The following DMXL2 variants were observed in gnomAD, a reference collection of about 807,000 sequenced individuals.
DMXL2 encodes the protein Dmx like 2.
A neutral mutation model predicts 331.1 loss-of-function variants in DMXL2; 103 were observed. The observed-to-expected ratio is 0.31, with a 90% CI of 0.27 to 0.37. The LOEUF (loss-of-function observed/expected upper bound fraction) is 0.37, where lower values mean the gene tolerates loss of function less well. Among genes scored for constraint, DMXL2 ranks in the 10% least tolerant of loss-of-function variants. The probability of loss-of-function intolerance (pLI) is 1.00; values close to 1 mark genes in which losing one functional copy is unlikely to be tolerated. For synonymous variants in DMXL2, 1,281 were observed against 1,252.1 expected (o/e 1.02, Z -0.49); for missense variants, 3,171 against 3,642.9 (o/e 0.87, Z 3.33).
Position 51,449,102 on chromosome 15 carries a change from A to C in DMXL2, c.9059T>G (p.Met3020Arg). 6.2e-7 allele frequency: 1 copy of C among 1,614,244 alleles called. No homozygotes were observed. The highest frequency in any genetic ancestry group is 8.5e-7 in the Non-Finnish European group (1 of 1,180,034). Residue 3020 changes from methionine (M) to arginine (R), a missense_variant, in exon 44 of 44, where the codon ATG becomes AGG. By Grantham distance (91) the Met-to-Arg change is moderately conservative. This residue lies in a region of DMXL2 where 766 missense variants were observed against 940.5 expected (regional missense o/e 0.81). Coordinates refer to ENST00000560891, the MANE Select transcript of DMXL2 (RefSeq NM_001378457.1). ...SIFRNIGAGVMQIDIIQGNRL... is the reference protein window; with the variant it reads ...SIFRNIGAGVRQIDIIQGNRL... ...ATTGCCCTGGATGATGTCAATCTGC[A>C]TGACTCCAGCCCCAATGTTTCGAAA...
rs1359570992 is a variant in DMXL2, at chr15:51,600,026, CTCTTCT to C, written c.87+22427_87+22432del. Among the ~76,000 whole-genome samples the C allele has an allele frequency of 3.9e-5, 6 of 152,324 alleles. No homozygotes were observed. In the East Asian group the frequency reaches 1.2e-3, roughly 29 times the overall value. ...CTTCCCACTTTCTACACTTGTAACT[CTCTTCT>C]TCAATAATGAGAAACCTGGCTCACA... On this transcript the variant is annotated intron_variant, in intron 1 of 43. Coordinates refer to ENST00000560891, the MANE Select transcript of DMXL2 (RefSeq NM_001378457.1).
chr15:51,482,230 A>C (rs780033619), intron 23 of DMXL2, among the ~76,000 whole-genome samples: 1 of 152,176 alleles, frequency 6.6e-6, no homozygotes, highest in Non-Finnish European at 1.5e-5. Flanking sequence ...AAGTAATTTG[A>C]CTGTACATCC....
In DMXL2 at chr15:51,600,565, T is replaced by TTTCTC. The variant is rs2053157317; in HGVS notation, c.87+21889_87+21893dup. Among the ~76,000 whole-genome samples, 5 of 152,346 alleles carry TTTCTC rather than the reference T, an allele frequency of 3.3e-5. No homozygotes were observed. In the South Asian group the frequency reaches 1.0e-3, roughly 32 times the overall value. On this transcript the variant is annotated intron_variant, in intron 1 of 43. Transcript: ENST00000560891. ...CTGTTGACCTTGCAAGGTGTGCTACTTTCTCTTCTCTCTAAAATCTGAAAT... is the reference window on the plus strand; with the variant it reads ...CTGTTGACCTTGCAAGGTGTGCTACTTTCTCTTCTCTTCTCTCTAAAATCTGAAAT...
intron 1 of DMXL2, among the ~76,000 whole-genome samples, chr15:51,578,495 T>C (rs984964878): frequency 2.6e-5 from 4 of 152,158 alleles, no homozygotes; most frequent in Non-Finnish European, 5.9e-5. Flanking sequence ...CGGCAATAGT[T>C]CAAATTGGAT....
chr15:51,553,802 AGAGT>A (rs1291454738), intron 6 of DMXL2, among the ~76,000 whole-genome samples: 2 of 143,458 alleles, frequency 1.4e-5, no homozygotes, highest in African/African-American at 5.6e-5. Context: ...AAAAAAAAAA[AGAGT>A]AGAGTATACA....
chr15:51,509,665 C>A (rs909387669), intron 15 of DMXL2, among the ~76,000 whole-genome samples: 1 of 152,114 alleles, frequency 6.6e-6, no homozygotes, highest in Non-Finnish European at 1.5e-5. Context: ...GAAACTATTC[C>A]AATCAATAGA....
chr15:51,536,023 T>C (rs1191631814), intron 12 of DMXL2, 143 bp downstream of exon 12: 1 of 909,262 alleles, frequency 1.1e-6, no homozygotes, highest in Non-Finnish European at 1.6e-6. Flanking sequence ...CATGCCTGTA[T>C]TCTGAATATT....
At chr15:51,607,194 C>T (rs570040229) in intron 1 of DMXL2, among the ~76,000 whole-genome samples, 3 of 151,378 alleles carry the variant, frequency 2.0e-5, no homozygotes, top group East Asian at 3.9e-4. Context: ...CGGTGGCTCA[C>T]GTCTGTAATC....
chr15:51,448,900 C>A lies in DMXL2; in HGVS notation c.*84G>T. 1 of 1,336,810 alleles carries A rather than the reference C, an allele frequency of 7.5e-7. No individual in the cohort carries two copies. Among genetic ancestry groups the A allele is most frequent in the South Asian group, 1.3e-5 (1 of 78,064 alleles). The allele number at this position is 1,336,810 out of a possible 1,614,324, so 82.8% of individuals were successfully genotyped here. ...ACACAGAGATTCTCTGTTTTCAATA[C>A]AACTGCTTAGAAAGCAGAATTGCCT... On this transcript the variant is annotated 3_prime_UTR_variant, in exon 44 of 44. Transcript: ENST00000560891.
At position 51,450,161 on chromosome 15, in the gene DMXL2, A is replaced by C. The variant is rs148728346; in HGVS notation, c.8935T>G (p.Phe2979Val). Residue 2979 changes from phenylalanine (F) to valine (V), a missense_variant, in exon 43 of 44, where the codon TTT becomes GTT. Around this residue, in one of 7 missense-constraint regions of DMXL2, gnomAD observed 766 missense variants for 940.5 expected, o/e 0.81. Coordinates refer to ENST00000560891, the MANE Select transcript of DMXL2 (RefSeq NM_001378457.1). The stretch of plus-strand genomic sequence containing the variant: ...TTACCTTCTGCTGAACCTGTGGTAA[A>C]ATATTCCTCATAGGGATCCAAGGCC... ...ALALDPYEEY[F>V]TTGSAEGNIK... The C allele has an allele frequency of 1.2e-6, 2 of 1,613,930 alleles. No individual in the cohort carries two copies. Among genetic ancestry groups the C allele is most frequent in the African/African-American group, 2.7e-5 (2 of 74,900 alleles).
At chr15:51,614,247 G>A (rs1479035182) in intron 1 of DMXL2, among the ~76,000 whole-genome samples, 3 of 152,152 alleles carry the variant, frequency 2.0e-5, no homozygotes, top group Non-Finnish European at 4.4e-5. Context: ...CATAGATCTT[G>A]GACTTCCAAA....
chr15:51,569,483 G>C (rs929663218), intron 2 of DMXL2, among the ~76,000 whole-genome samples: 6 of 152,138 alleles, frequency 3.9e-5, no homozygotes, highest in African/African-American at 1.4e-4. Flanking sequence ...TCTGATACAG[G>C]ACAGACTGCC....
chr15:51,482,459 A>T (rs1277127240), intron 23 of DMXL2, among the ~76,000 whole-genome samples: 1 of 152,216 alleles, frequency 6.6e-6, no homozygotes, highest in Non-Finnish European at 1.5e-5. Flanking sequence ...TGTGCATGAG[A>T]AATAGCAGGG....
chr15:51,483,239 G>A (rs1270051644), intron 23 of DMXL2, among the ~76,000 whole-genome samples: 2 of 152,180 alleles, frequency 1.3e-5, no homozygotes, highest in Non-Finnish European at 2.9e-5. Context: ...CCTACCGCCA[G>A]TGAGCCAAGC....
chr15:51,560,780 T>A (rs1445650170), intron 6 of DMXL2, among the ~76,000 whole-genome samples: 1 of 151,786 alleles, frequency 6.6e-6, no homozygotes, highest in Non-Finnish European at 1.5e-5. Flanking sequence ...GAAACTTTTT[T>A]AAATAAAATA....
chr15:51,612,497 G>T (rs1192056186), intron 1 of DMXL2, among the ~76,000 whole-genome samples: 2 of 152,108 alleles, frequency 1.3e-5, no homozygotes, highest in Non-Finnish European at 2.9e-5. Flanking sequence ...TTAAAGCTGG[G>T]TGTCCGGGGG....
intron 1 of DMXL2, among the ~76,000 whole-genome samples, chr15:51,592,640 G>C (rs2052469891): frequency 1.3e-5 from 2 of 152,082 alleles, no homozygotes; most frequent in Non-Finnish European, 2.9e-5. Flanking sequence ...TTGAAATGAA[G>C]GAAAAAATGT....
intron 13 of DMXL2, among the ~76,000 whole-genome samples, chr15:51,525,220 G>A (rs2047602731): frequency 6.6e-6 from 1 of 151,880 alleles, no homozygotes; most frequent in African/African-American, 2.4e-5. Flanking sequence ...AAGAGCCTCT[G>A]GGCCCTGAAT....
chr15:51,487,336 T>C (rs1310704077), intron 22 of DMXL2, among the ~76,000 whole-genome samples: 1 of 152,258 alleles, frequency 6.6e-6, no homozygotes, highest in East Asian at 1.9e-4. Flanking sequence ...TTGTGACCTA[T>C]GTACTTTAAA....
Sources: allele counts gnomAD v4.1 joint callset (sites outside exome capture counted in the v4.1 genomes callset), GRCh38; gene constraint gnomAD v4.1.1; regional missense constraint gnomAD v4.1.1; transcripts MANE v1.5; gene names NCBI Gene and HGNC (gene_info 2026-07-23, HGNC 2026-07-21).